The following PTPN13 variants were observed in gnomAD, a reference collection of about 807,000 sequenced individuals.
The protein encoded by PTPN13 is tyrosine-protein phosphatase non-receptor type 13.
Under a neutral mutation model 284.0 loss-of-function variants are expected in PTPN13, and 191 were observed. The ratio of observed to expected loss-of-function variants is 0.67; its 90% confidence interval spans 0.60 to 0.76. PTPN13 has a LOEUF of 0.76. Among genes scored for constraint, PTPN13 ranks in the 30% least tolerant of loss-of-function variants. PTPN13 has a pLI of 0.00. For missense variants in PTPN13, 2,797 were observed against 2,939.9 expected, an observed-to-expected ratio of 0.95 and a Z score of 1.12; for synonymous variants, 986 against 1,022.3, an observed-to-expected ratio of 0.96 and a Z score of 0.68.
chr4:86,674,835 T>C (rs1311114585), intron 3 of PTPN13, among the ~76,000 whole-genome samples: 1 of 152,210 alleles, frequency 6.6e-6, no homozygotes, highest in African/African-American at 2.4e-5. Context: ...AGTATACATA[T>C]ATAGTTATTC....
At chr4:86,670,681 A>G (rs886351736) in intron 2 of PTPN13, among the ~76,000 whole-genome samples, 6 of 152,174 alleles carry the variant, frequency 3.9e-5, no homozygotes, top group African/African-American at 1.4e-4. Context: ...ATAATTTGAC[A>G]GAAATTGATT....
At chr4:86,665,235 A>G (rs1021145454) in intron 2 of PTPN13, among the ~76,000 whole-genome samples, 3 of 152,154 alleles carry the variant, frequency 2.0e-5, no homozygotes, top group Admixed American at 1.3e-4. Context: ...AAAGAGAGAA[A>G]ATGTGTGTGT....
chr4:86,685,290 G>T (rs1729329401), intron 3 of PTPN13, among the ~76,000 whole-genome samples: 1 of 152,084 alleles, frequency 6.6e-6, no homozygotes, highest in African/African-American at 2.4e-5. Context: ...AATCAAAACT[G>T]CAGTGAGGAA....
chr4:86,783,691 CT>C (rs1741587322), intron 37 of PTPN13, among the ~76,000 whole-genome samples: 2 of 151,942 alleles, frequency 1.3e-5, no homozygotes, highest in Admixed American at 6.6e-5. Flanking sequence ...ACCATGTGTA[CT>C]TTTTATCTTA....
intron 6 of PTPN13, 82 bp from the exon 7 acceptor site, chr4:86,701,159 A>C: frequency 9.1e-7 from 1 of 1,098,078 alleles, no homozygotes; most frequent in Non-Finnish European, 1.3e-6. Context: ...AATTGCCACC[A>C]CTTTCATTGT....
At chr4:86,668,557 A>G (rs895584318) in intron 2 of PTPN13, among the ~76,000 whole-genome samples, 24 of 152,138 alleles carry the variant, frequency 1.6e-4, no homozygotes, top group African/African-American at 5.8e-4. Flanking sequence ...AAAAAATCAC[A>G]TTTGAAAATA....
intron 42 of PTPN13, among the ~76,000 whole-genome samples, chr4:86,799,425 C>T (rs1455614820): frequency 1.3e-5 from 2 of 148,918 alleles, no homozygotes; most frequent in African/African-American, 2.5e-5. Context: ...ACCACCTCCG[C>T]AGTTCAAGCA....
chr4:86,658,909 T>C (rs890889628), intron 2 of PTPN13, among the ~76,000 whole-genome samples: 3 of 152,174 alleles, frequency 2.0e-5, no homozygotes, highest in African/African-American at 4.8e-5. Context: ...AAAAGAAAGC[T>C]GAATTATCTA....
In PTPN13 at chr4:86,807,868, G is replaced by T; in HGVS notation, c.7054G>T (p.Val2352Leu). 1 of 1,613,810 alleles carries T rather than the reference G, an allele frequency of 6.2e-7. No individual in the cohort carries two copies. The highest frequency in any genetic ancestry group is 2.2e-5 in the East Asian group (1 of 44,888). ...VRMQQLKGFV[V>L]RAMTLEDIQT... ...AATGCAGCAGCTGAAGGGCTTTGTG[G>T]TGAGGGCAATGACCCTTGAAGATAT... The change falls in exon 45 of 48, where the codon GTG (valine) becomes TTG (leucine). Residue 2352 changes from valine (V) to leucine (L), a missense_variant. Coordinates refer to ENST00000411767, the MANE Select transcript of PTPN13 (RefSeq NM_080683.3).
Position 86,796,029 on chromosome 4 carries a change from A to G in PTPN13, c.6346-845A>G, listed in dbSNP as rs150601754. Among the ~76,000 whole-genome samples the G allele has an allele frequency of 3.3e-5, 5 of 152,330 alleles. No homozygotes were observed. In the East Asian group the frequency reaches 9.6e-4, roughly 29 times the overall value. On this transcript the variant is annotated intron_variant, in intron 40 of 47. Coordinates refer to ENST00000411767, the MANE Select transcript of PTPN13 (RefSeq NM_080683.3). ...GTTGTGCACATGTACCCTAGAACTT[A>G]AAGTATAATAGAAAAAATAATACAA...
At chr4:86,631,371 T>C (rs1336320079) in intron 1 of PTPN13, among the ~76,000 whole-genome samples, 1 of 152,112 alleles carries the variant, frequency 6.6e-6, no homozygotes, top group East Asian at 1.9e-4. Context: ...GCTATAACAG[T>C]AAAATAAACA....
chr4:86,775,386 G>A (rs2149287343), intron 34 of PTPN13, 44 bp downstream of exon 34: 11 of 1,602,024 alleles, frequency 6.9e-6, no homozygotes, highest in East Asian at 2.2e-5. Flanking sequence ...TTCTTGGTTA[G>A]CTTAAGAGTA....
intron 1 of PTPN13, among the ~76,000 whole-genome samples, chr4:86,624,556 A>T (rs913886204): frequency 7.2e-5 from 11 of 152,210 alleles, no homozygotes; most frequent in African/African-American, 2.7e-4. Context: ...ATGGTAAGGA[A>T]GTATTCAACT....
At chr4:86,679,526 G>T (rs547719758) in intron 3 of PTPN13, among the ~76,000 whole-genome samples, 1 of 152,176 alleles carries the variant, frequency 6.6e-6, no homozygotes, top group Non-Finnish European at 1.5e-5. Flanking sequence ...GAGGTGTGAC[G>T]CAGCCACCTA....
intron 2 of PTPN13, 33 bp from the exon 3 acceptor site, chr4:86,672,332 T>A: frequency 6.7e-7 from 1 of 1,483,040 alleles, no homozygotes; most frequent in South Asian, 1.3e-5. Flanking sequence ...CTTCTTTTTT[T>A]TTATTTTTTA....
chr4:86,811,092 G>A lies in PTPN13; in HGVS notation c.7346G>A (p.Gly2449Glu). The part of the protein sequence containing the change: ...LVRCMRLQRH[G>E]MVQTEDQYIF... ...CGCTGCATGAGACTACAAAGACACG[G>A]AATGGTTCAGACAGAGGTGAGTCAT... Residue 2449 changes from glycine to glutamate, a missense_variant, in exon 47 of 48, where the codon GGA (glycine) becomes GAA (glutamate). Gly to Glu is a moderately conservative substitution (Grantham distance 98). Transcript: ENST00000411767. 1 of 1,613,584 alleles carries A rather than the reference G, an allele frequency of 6.2e-7. No individual in the cohort carries two copies. The highest frequency in any genetic ancestry group is 8.5e-7 in the Non-Finnish European group (1 of 1,179,654).
Position 86,814,617 on chromosome 4 carries a change from A to G in PTPN13, c.*66A>G. On this transcript the variant is annotated 3_prime_UTR_variant, in exon 48 of 48. Transcript: ENST00000411767. Reference sequence around the variant, plus strand: ...AACCTCCAGCAGACTCCTGCTCTCTATCCAAAATAAAGATCACAGAGCAGC... The same window carrying G: ...AACCTCCAGCAGACTCCTGCTCTCTGTCCAAAATAAAGATCACAGAGCAGC... 5 of 1,295,624 alleles carry G rather than the reference A, an allele frequency of 3.9e-6. No individual in the cohort carries two copies. The highest frequency in any genetic ancestry group is 5.5e-6 in the Non-Finnish European group (5 of 907,746). The allele number at this position is 1,295,624 out of a possible 1,614,324, so 80.3% of individuals were successfully genotyped here. A position where few individuals can be genotyped will look rare whatever the true frequency, so the allele number is the denominator to read the frequency against.
chr4:86,644,838 A>G (rs1305142794), intron 2 of PTPN13, among the ~76,000 whole-genome samples: 1 of 152,204 alleles, frequency 6.6e-6, no homozygotes, highest in Admixed American at 6.5e-5. Flanking sequence ...TGACTAAAAA[A>G]GAAAACTATA....
At chr4:86,802,933 G>C (rs1410444217) in intron 42 of PTPN13, among the ~76,000 whole-genome samples, 1 of 151,742 alleles carries the variant, frequency 6.6e-6, no homozygotes, top group African/African-American at 2.4e-5. Context: ...AATTACCCAG[G>C]CGTGGTGGTG....
Sources: gnomAD v4.1 joint callset for allele counts (sites outside exome capture counted in the v4.1 genomes callset) on GRCh38, gnomAD v4.1.1 for gene constraint, MANE v1.5 for transcripts, NCBI Gene and HGNC (gene_info 2026-07-23, HGNC 2026-07-21) for gene names.